GNRHR: variants seen among roughly 807,000 people sequenced by gnomAD.
GNRHR encodes the protein gonadotropin releasing hormone receptor, also known as gonadotropin-releasing hormone receptor.
Under a neutral mutation model 28.1 loss-of-function variants are expected in GNRHR, and 14 were observed. The ratio of observed to expected loss-of-function variants is 0.50; its 90% CI spans 0.33 to 0.78. GNRHR has a LOEUF of 0.78. GNRHR is among the 30% of genes least tolerant of loss of function. The pLI, the probability that GNRHR is intolerant of heterozygous loss-of-function variation, is 0.02. For synonymous variants in GNRHR, 141 were observed against 140.5 expected (o/e 1.00, Z -0.02); for missense variants, 366 against 382.1 (o/e 0.96, Z 0.35).
In GNRHR at chr4:67,738,555, C is replaced by T. The variant is rs924784727; in HGVS notation, c.*1925G>A. 2.0e-5 allele frequency among the ~76,000 whole-genome samples: 3 copies of T among 151,726 alleles called. No individual in the cohort carries two copies. Among genetic ancestry groups the T allele is most frequent in the African/African-American group, 7.3e-5 (3 of 41,350 alleles). On this transcript the variant is annotated 3_prime_UTR_variant, in exon 3 of 3. Coordinates refer to ENST00000226413, the MANE Select transcript of GNRHR (RefSeq NM_000406.3). ...TCGTTAACACGTGTGTGATAAAGCCCTTAGATTGTATCTGTACAAGTGTGT... is the reference window on the plus strand; with the variant it reads ...TCGTTAACACGTGTGTGATAAAGCCTTTAGATTGTATCTGTACAAGTGTGT...
In GNRHR at chr4:67,737,999, A is replaced by G. The variant is rs1232877555; in HGVS notation, c.*2481T>C. On this transcript the variant is annotated 3_prime_UTR_variant, in exon 3 of 3. Coordinates refer to ENST00000226413, the MANE Select transcript of GNRHR (RefSeq NM_000406.3). ...TCTTTTGTGCCATAAATTTTAGTTT[A>G]TATATTACATTATAATGTATAGATT... Among the ~76,000 whole-genome samples, 1 of 151,618 alleles carries G rather than the reference A, an allele frequency of 6.6e-6. No homozygotes were observed. Among genetic ancestry groups the G allele is most frequent in the Non-Finnish European group, 1.5e-5 (1 of 67,736 alleles).
In GNRHR at chr4:67,740,721, A is replaced by G. The variant is rs746861473; in HGVS notation, c.746T>C (p.Leu249Pro). ...ATTGTTCTTGGACTGATTCAGTTGTAGTTCTGTTGGATAGAGAAAAGAGCA... is the reference window on the plus strand; with the variant it reads ...ATTGTTCTTGGACTGATTCAGTTGTGGTTCTGTTGGATAGAGAAAAGAGCA... ...TRVLHQDPHE[L>P]QLNQSKNNIP... is the part of the protein sequence containing the mutation. The change falls in exon 3 of 3, where the codon CTA becomes CCA. Residue 249 changes from leucine to proline, a missense_variant. Physicochemically the swap from Leu to Pro is moderately conservative, Grantham distance 98 (BLOSUM62 -3). Coordinates refer to ENST00000226413, the MANE Select transcript of GNRHR (RefSeq NM_000406.3). 1.2e-6 allele frequency: 2 copies of G among 1,610,140 alleles called. No individual in the cohort carries two copies.
At chr4:67,751,637 T>A (rs532774806) in intron 1 of GNRHR, 2 of 152,334 alleles carry the variant, frequency 1.3e-5, no homozygotes, top group East Asian at 3.9e-4. Context: ...TGTTAATACT[T>A]AGATGAAAAT....
rs1213977018 is a variant in GNRHR at position 67,741,522 on chromosome 4, A to G, written c.743-798T>C. Among the ~76,000 whole-genome samples, 4 of 152,130 alleles carry G rather than the reference A, an allele frequency of 2.6e-5. No individual in the cohort carries two copies. In the East Asian group the frequency reaches 5.8e-4, roughly 22 times the overall value. ...CTGCTATGAACATTCCTGTGCAAGT[A>G]TCTTTTTCATATAATGCCTTTTTTC... On this transcript the variant is annotated intron_variant, in intron 2 of 2. Transcript: ENST00000226413.
At position 67,752,358 on chromosome 4, in the gene GNRHR, C is replaced by T. The variant is rs28649837; in HGVS notation, c.522+1456G>A. Among the ~76,000 whole-genome samples the T allele has an allele frequency of 8.2e-3, 1,236 of 151,382 alleles. 23 individuals are homozygous for T. Among genetic ancestry groups the T allele is most frequent in the African/African-American group, 0.028 (1,169 of 41,174 alleles). On this transcript the variant is annotated intron_variant, in intron 1 of 2. Coordinates refer to ENST00000226413, the MANE Select transcript of GNRHR (RefSeq NM_000406.3). ...TCCCAAGTAGCTGGGACCACAGGTG[C>T]GGGTCATCATGACCAGCATTTAAGC... is the stretch of plus-strand genomic sequence containing the variant.
rs1731718610 is a variant in GNRHR, at chr4:67,744,486, T to C, written c.742+82A>G. On this transcript the variant is annotated intron_variant, in intron 2 of 2. Transcript: ENST00000226413. ...TGCAAACTGCTTAGAACAGTATCTG[T>C]CACATAGTTCATGCCACTCTGTTTT... 7 of 808,064 alleles carry C rather than the reference T, an allele frequency of 8.7e-6. No homozygotes were observed. The Admixed American group carries it at 1.2e-4, about 14-fold the overall frequency. 50.1% of individuals were successfully genotyped at this position (808,064 alleles called of 1,614,324 possible).
chr4:67,745,521 A>G (rs1731739253), intron 1 of GNRHR, among the ~76,000 whole-genome samples: 1 of 152,122 alleles, frequency 6.6e-6, no homozygotes, highest in African/African-American at 2.4e-5. Flanking sequence ...AATAAATGAA[A>G]AGGAATAAAC....
Position 67,740,460 on chromosome 4 carries a change from C to T in GNRHR, c.*20G>A, listed in dbSNP as rs1240665210. 1.9e-6 allele frequency: 3 copies of T among 1,571,268 alleles called. No homozygotes were observed. The highest frequency in any genetic ancestry group is 1.1e-5 in the South Asian group (1 of 90,136). On this transcript the variant is annotated 3_prime_UTR_variant, in exon 3 of 3. Coordinates refer to ENST00000226413, the MANE Select transcript of GNRHR (RefSeq NM_000406.3). ...CATTACCTTACCCTTCTTCATATGACTTCTTGTGTAGTCTATCAATCACAG... is the reference window on the plus strand; with the variant it reads ...CATTACCTTACCCTTCTTCATATGATTTCTTGTGTAGTCTATCAATCACAG...
intron 1 of GNRHR, among the ~76,000 whole-genome samples, chr4:67,749,744 A>G (rs911834027): frequency 4.2e-5 from 6 of 144,162 alleles, no homozygotes; most frequent in African/African-American, 1.3e-4. Context: ...CCCCACTTTT[A>G]TATACGATAC....
chr4:67,751,820 G>A (rs1338002148), intron 1 of GNRHR: 1 of 152,114 alleles, frequency 6.6e-6, no homozygotes, highest in Non-Finnish European at 1.5e-5. Context: ...ACACATAGTT[G>A]TAATTACACA....
At position 67,754,213 on chromosome 4, in the gene GNRHR, A is replaced by G; in HGVS notation, c.123T>C (p.Val41=). 6.2e-7 allele frequency: 1 copy of G among 1,614,180 alleles called. No homozygotes were observed. Among genetic ancestry groups the G allele is most frequent in the Non-Finnish European group, 8.5e-7 (1 of 1,179,970 alleles). ...LTLSGKIRVT[V]TFFLFLLSAT... Reference sequence around the variant, plus strand: ...CAGAGAGCAGAAAAAGGAAGAAAGTAACCGTCACTCGGATCTTTCCAGACA... The same window carrying G: ...CAGAGAGCAGAAAAAGGAAGAAAGTGACCGTCACTCGGATCTTTCCAGACA... Residue 41 remains valine (V), a synonymous_variant, in exon 1 of 3, where the codon GTT becomes GTC. Coordinates refer to ENST00000226413, the MANE Select transcript of GNRHR (RefSeq NM_000406.3).
At chr4:67,743,338 A>G (rs926499241) in intron 2 of GNRHR, among the ~76,000 whole-genome samples, 8 of 152,228 alleles carry the variant, frequency 5.3e-5, no homozygotes, top group Non-Finnish European at 8.8e-5. Context: ...GGCTTAGCAC[A>G]TGACTGAAAA....
intron 2 of GNRHR, among the ~76,000 whole-genome samples, chr4:67,742,528 C>T (rs1035892988): frequency 6.6e-6 from 1 of 152,176 alleles, no homozygotes; most frequent in Non-Finnish European, 1.5e-5. Context: ...ATAGGTTACA[C>T]TTGTGAAGAA....
rs1457870272 is a variant in GNRHR, at chr4:67,738,930, A to G, written c.*1550T>C. On this transcript the variant is annotated 3_prime_UTR_variant, in exon 3 of 3. Transcript: ENST00000226413. Reference sequence around the variant, plus strand: ...GAAAAAAACAACAACACAACACTATAAAACTGAAGTATGAGAGGAGAAAAT... The same window carrying G: ...GAAAAAAACAACAACACAACACTATGAAACTGAAGTATGAGAGGAGAAAAT... Among the ~76,000 whole-genome samples, 1 of 151,992 alleles carries G rather than the reference A, an allele frequency of 6.6e-6. No homozygotes were observed. Among genetic ancestry groups the G allele is most frequent in the Non-Finnish European group, 1.5e-5 (1 of 67,888 alleles).
rs543924424 is a variant in GNRHR at position 67,739,217 on chromosome 4, T to C, written c.*1263A>G. On this transcript the variant is annotated 3_prime_UTR_variant, in exon 3 of 3. Transcript: ENST00000226413. ...TGGAAGAGGTAGACACAAGCCTGAA[T>C]TACATAAAGAGGTCTTGTTGTGCAG... The C allele has an allele frequency of 1.3e-5, 2 of 152,120 alleles. No individual in the cohort carries two copies. Among genetic ancestry groups the C allele is most frequent in the African/African-American group, 4.8e-5 (2 of 41,556 alleles). 9.4% of individuals were successfully genotyped at this position (152,120 alleles called of 1,614,324 possible). A position where few individuals can be genotyped will look rare whatever the true frequency, so the allele number is the denominator to read the frequency against.
chr4:67,748,478 A>T (rs1731803553), intron 1 of GNRHR, among the ~76,000 whole-genome samples: 1 of 151,896 alleles, frequency 6.6e-6, no homozygotes, highest in Non-Finnish European at 1.5e-5. Flanking sequence ...TATCATATAT[A>T]TTTTTTTCTT....
rs537158008 is a variant in GNRHR, at chr4:67,753,801, T to A, written c.522+13A>T. On this transcript the variant is annotated intron_variant, in intron 1 of 2. Coordinates refer to ENST00000226413, the MANE Select transcript of GNRHR (RefSeq NM_000406.3). ...ATCACCATATCCAAATAAGTTTGTG[T>A]ATAATGGCTTACCTGTGGTCCTGCA... The A allele has an allele frequency of 1.9e-5, 30 of 1,603,808 alleles. No individual in the cohort carries two copies. The East Asian group carries it at 5.4e-4, about 29-fold the overall frequency.
intron 1 of GNRHR, among the ~76,000 whole-genome samples, chr4:67,752,302 C>G (rs1731883523): frequency 6.6e-6 from 1 of 151,690 alleles, no homozygotes; most frequent in South Asian, 2.1e-4. Flanking sequence ...ACCTCTGCCT[C>G]CCAGGCTCAA....
chr4:67,753,883 G>A lies in GNRHR; in HGVS notation c.453C>T (p.Ser151=), dbSNP rs4986942. The stretch of plus-strand genomic sequence containing the variant: ...CCATGGACTGTCCGACTTTGCTGTT[G>A]CTTTTCAAAGCTAGGGGCCTCGTGA... ...LAITRPLALK[S]NSKVGQSMVG... is the part of the protein sequence containing the mutation. Residue 151 remains serine (S), a synonymous_variant, in exon 1 of 3, where the codon AGC becomes AGT. Transcript: ENST00000226413. 138,592 of 1,613,558 alleles carry A rather than the reference G, an allele frequency of 0.086. 6,507 individuals are homozygous for A. The highest frequency in any genetic ancestry group is 0.1 in the African/African-American group (7,767 of 75,018).
Sources: allele counts gnomAD v4.1 joint callset (sites outside exome capture counted in the v4.1 genomes callset), GRCh38; gene constraint gnomAD v4.1.1; transcripts MANE v1.5; gene names NCBI Gene and HGNC (gene_info 2026-07-23, HGNC 2026-07-21).